The following MST1 variants were observed in gnomAD, a reference collection of about 807,000 sequenced individuals.
MST1 encodes the protein hepatocyte growth factor-like protein.
Under a neutral mutation model 100.1 loss-of-function variants are expected in MST1, and 76 were observed. The ratio of observed to expected loss-of-function variants is 0.76; its 90% CI spans 0.63 to 0.92. MST1 has a LOEUF of 0.92. MST1 is among the 40% of genes least tolerant of loss of function. The probability of loss-of-function intolerance (pLI) is 0.00; values close to 1 mark genes in which losing one functional copy is unlikely to be tolerated. For synonymous variants in MST1, 352 were observed against 385.4 expected (o/e 0.91, Z 1.01); for missense variants, 850 against 990.0 (o/e 0.86, Z 1.90).
intron 5 of MST1, 37 bp downstream of exon 5, chr3:49,687,112 T>G (rs1218893067): frequency 6.2e-7 from 1 of 1,612,720 alleles, no homozygotes; most frequent in Non-Finnish European, 8.5e-7. Context: ...CGTGGGCTTG[T>G]CCCTCCACTC....
At position 49,687,175 on chromosome 3, in the gene MST1, C is replaced by T; in HGVS notation, c.581G>A (p.Ser194Asn). 1 of 1,613,268 alleles carries T rather than the reference C, an allele frequency of 6.2e-7. No individual in the cohort carries two copies. Among genetic ancestry groups the T allele is most frequent in the Middle Eastern group, 1.7e-4 (1 of 6,056 alleles). The change falls in exon 5 of 18, where the codon AGC (serine) becomes AAC (asparagine). Residue 194 changes from serine (S) to asparagine (N), a missense_variant. By Grantham distance (46) the Ser-to-Asn change is conservative. Transcript: ENST00000449682. ...YTTDPAVRFQ[S>N]CGIKSCREAA... is the part of the protein sequence containing the mutation. ...CTCCCGGCAGGATTTGATGCCGCAG[C>T]TCTGGAAGCGCACAGCAGGGTCTGT...
rs1222445851 is a variant in MST1, at chr3:49,689,442, G to A, written c.-751C>T. On this transcript the variant is annotated 5_prime_UTR_variant, in exon 1 of 18. Coordinates refer to ENST00000449682, the MANE Select transcript of MST1 (RefSeq NM_020998.4). ...GCTGAGGCCTGGAACAACCCGGTGG[G>A]AAGCCATGGAGGGGGTCCCCTAGCG... 6.6e-6 allele frequency: 1 copy of A among 152,362 alleles called. No individual in the cohort carries two copies. The highest frequency in any genetic ancestry group is 2.4e-5 in the African/African-American group (1 of 41,454). The allele number at this position is 152,362 out of a possible 1,614,324, so 9.4% of individuals were successfully genotyped here.
Position 49,684,588 on chromosome 3 carries a change from C to G in MST1, c.1838G>C (p.Gly613Ala), listed in dbSNP as rs772597116. Residue 613 changes from glycine (G) to alanine (A), a missense_variant, in exon 16 of 18, where the codon GGG becomes GCG. Coordinates refer to ENST00000449682, the MANE Select transcript of MST1 (RefSeq NM_020998.4). ...CCAGCCTGCAATCTCACACTTGGTC[C>G]CTGGAGGCACCACATACCATTCAGG... ...LPPEWYVVPP[G>A]TKCEIAGWGE... is the part of the protein sequence containing the mutation. 6.2e-7 allele frequency: 1 copy of G among 1,613,772 alleles called. No individual in the cohort carries two copies.
In MST1 at chr3:49,686,740, C is replaced by T. The variant is rs761105618; in HGVS notation, c.791G>A (p.Trp264Ter). Residue 264 changes from tryptophan to a stop codon, truncating the protein, a stop_gained, in exon 7 of 18, where the codon TGG (tryptophan) becomes TAG (stop). Coordinates refer to ENST00000449682, the MANE Select transcript of MST1 (RefSeq NM_020998.4). LOFTEE classifies it high-confidence loss of function. Reference sequence around the variant, plus strand: ...GATCTGCGGATCCGTAGTGTAGCACCATGGCCGCTCGGAGCCGTCAGGATT... The same window carrying T: ...GATCTGCGGATCCGTAGTGTAGCACTATGGCCGCTCGGAGCCGTCAGGATT... ...CRNPDGSERP[W>*]CYTTDPQIER... 3 of 1,603,846 alleles carry T rather than the reference C, an allele frequency of 1.9e-6. No homozygotes were observed. The highest frequency in any genetic ancestry group is 2.6e-6 in the Non-Finnish European group (3 of 1,176,232).
At position 49,685,878 on chromosome 3, in the gene MST1, T is replaced by C. The variant is rs2053684205; in HGVS notation, c.1232A>G (p.Glu411Gly). The change falls in exon 10 of 18, where the codon GAG becomes GGG. Residue 411 changes from glutamate (E) to glycine (G), a missense_variant. Physicochemically the swap from Glu to Gly is moderately conservative, Grantham distance 98. This residue lies in a region of MST1 where 816 missense variants were observed against 924.6 expected (regional missense o/e 0.88). Coordinates refer to ENST00000449682, the MANE Select transcript of MST1 (RefSeq NM_020998.4). ...KGVQCQRWSA[E>G]TPHKPQFTFT... is the part of the protein sequence containing the mutation. ...GACTCACTGCGGCTTGTGCGGCGTC[T>C]CAGCGGACCAGCGCTGGCACTGGAC... 1.9e-6 allele frequency: 3 copies of C among 1,608,544 alleles called. No individual in the cohort carries two copies. In the East Asian group the frequency reaches 6.7e-5, roughly 36 times the overall value.
chr3:49,684,023 T>G lies in MST1; in HGVS notation c.*5A>C. 6.2e-7 allele frequency: 1 copy of G among 1,612,094 alleles called. No individual in the cohort carries two copies. The highest frequency in any genetic ancestry group is 8.5e-7 in the Non-Finnish European group (1 of 1,179,168). ...TCCCCAAGGCATATGGCATCAAGGC[T>G]GGGCCTAACCCAGTCTCATGACCTT... is the stretch of plus-strand genomic sequence containing the variant. On this transcript the variant is annotated 3_prime_UTR_variant, in exon 18 of 18. Transcript: ENST00000449682.
chr3:49,686,666 C>T lies in MST1; in HGVS notation c.847+18G>A, dbSNP rs575002026. ...AAGGTTCCCAGGTACCCTCCCAGGC[C>T]TGGTCCCCGCCGCCTACCGCAGCGG... On this transcript the variant is annotated intron_variant, in intron 7 of 17. Coordinates refer to ENST00000449682, the MANE Select transcript of MST1 (RefSeq NM_020998.4). 1.9e-6 allele frequency: 3 copies of T among 1,550,370 alleles called. No homozygotes were observed. Among genetic ancestry groups the T allele is most frequent in the Non-Finnish European group, 2.6e-6 (3 of 1,146,714 alleles).
chr3:49,686,912 C>A, intron 6 of MST1, 35 bp downstream of exon 6: 1 of 1,611,688 alleles, frequency 6.2e-7, no homozygotes, highest in Non-Finnish European at 8.5e-7. Flanking sequence ...CTTCCCTAGC[C>A]CGGCCCCCAG....
At position 49,686,194 on chromosome 3, in the gene MST1, T is replaced by G. The variant is rs767865527; in HGVS notation, c.1017-2A>C. 5.6e-6 allele frequency: 9 copies of G among 1,610,336 alleles called. No individual in the cohort carries two copies. The Admixed American group carries it at 1.5e-4, about 27-fold the overall frequency. On this transcript the variant is annotated splice_acceptor_variant, in intron 8 of 17. Coordinates refer to ENST00000449682, the MANE Select transcript of MST1 (RefSeq NM_020998.4). LOFTEE classifies it high-confidence loss of function. ...CGGCAGAAGTTCTCCCGAAGGTCTC[T>G]AAGCAGGCGCTCCACTCAGCCCTAG...
In MST1 at chr3:49,684,393, C is replaced by T. The variant is rs1277030290; in HGVS notation, c.1937G>A (p.Cys646Tyr). 1.9e-6 allele frequency: 3 copies of T among 1,613,286 alleles called. No homozygotes were observed. The East Asian group carries it at 6.7e-5, about 36-fold the overall frequency. The change falls in exon 17 of 18, where the codon TGT becomes TAT. Residue 646 changes from cysteine (C) to tyrosine (Y), a missense_variant. By Grantham distance (194) the Cys-to-Tyr change is radical. Around this residue, in one of 2 missense-constraint regions of MST1, gnomAD observed 816 missense variants for 924.6 expected, o/e 0.88. Coordinates refer to ENST00000449682, the MANE Select transcript of MST1 (RefSeq NM_020998.4). The stretch of plus-strand genomic sequence containing the variant: ...CACACGTCCTCGGTGCTTGATGTTA[C>T]ACTCCTGGTTGGAGATGACATTCAG... ...ALLNVISNQE[C>Y]NIKHRGRVRE...
At chr3:49,686,860 C>T in intron 6 of MST1, 58 bp from the exon 7 acceptor site, 1 of 1,612,232 alleles carries the variant, frequency 6.2e-7, no homozygotes, top group Non-Finnish European at 8.5e-7. Context: ...TCTGGCCCCG[C>T]CCAATTGCCC....
rs771646511 is a variant in MST1, at chr3:49,687,818, C to G, written c.174G>C (p.Gly58=). 1.9e-6 allele frequency: 3 copies of G among 1,613,546 alleles called. No individual in the cohort carries two copies. The highest frequency in any genetic ancestry group is 2.5e-6 in the Non-Finnish European group (3 of 1,179,884). The change falls in exon 2 of 18, where the codon GGG becomes GGC. Residue 58 remains glycine (G), a synonymous_variant. Coordinates refer to ENST00000449682, the MANE Select transcript of MST1 (RefSeq NM_020998.4). ...CATCTGCCACATCCTCCTGCCAAGGCCCGGGCACCACCGCATGTAGCAGGT... is the reference window on the plus strand; with the variant it reads ...CATCTGCCACATCCTCCTGCCAAGGGCCGGGCACCACCGCATGTAGCAGGT... ...LQHLLHAVVP[G]PWQEDVADAE...
intron 15 of MST1, 27 bp from the exon 16 acceptor site, chr3:49,684,683 G>A (rs1204689585): frequency 1.2e-6 from 2 of 1,613,204 alleles, no homozygotes; most frequent in Admixed American, 1.7e-5. Flanking sequence ...GGCACTCAGG[G>A]TCTGAGGCCA....
intron 17 of MST1, 27 bp from the exon 18 acceptor site, chr3:49,684,216 C>T: frequency 1.2e-6 from 2 of 1,609,446 alleles, no homozygotes; most frequent in Non-Finnish European, 8.5e-7. Flanking sequence ...CTGATGAGGG[C>T]CCCGGGCCAC....
intron 17 of MST1, 61 bp from the exon 18 acceptor site, chr3:49,684,250 A>T: frequency 6.2e-7 from 1 of 1,609,588 alleles, no homozygotes; most frequent in South Asian, 1.1e-5. Context: ...CTGCTTCATG[A>T]TAAAATAGTT....
chr3:49,686,508 C>A (rs746988215), intron 7 of MST1, 27 bp from the exon 8 acceptor site: 12 of 1,609,354 alleles, frequency 7.5e-6, no homozygotes, highest in Non-Finnish European at 1.0e-5. Context: ...TAGGTCGGGC[C>A]CCGAGCGAGA....
intron 1 of MST1, chr3:49,688,126 A>T: frequency 1.5e-6 from 1 of 645,698 alleles, no homozygotes; most frequent in Non-Finnish European, 2.6e-6. Flanking sequence ...GCCTCTGTTT[A>T]GTGGCCCAGG....
At chr3:49,686,647 C>T (rs1251676859) in intron 7 of MST1, 37 bp downstream of exon 7, 1 of 1,549,082 alleles carries the variant, frequency 6.5e-7, no homozygotes, top group Admixed American at 1.9e-5. Context: ...CCCCAAGGTT[C>T]CCAGGTACCC....
rs763351697 is a variant in MST1 at position 49,687,412 on chromosome 3, C to A, written c.422G>T (p.Gly141Val). ...GYRGTMATTVGGLPCQAWSHK... is the reference protein window; with the variant it reads ...GYRGTMATTVVGLPCQAWSHK... ...GCTCCAAGCCTGGCAGGGCAGGCCA[C>A]CCACGGTCGTGGCCATGGTGCCCCG... is the stretch of plus-strand genomic sequence containing the variant. Residue 141 changes from glycine to valine, a missense_variant, in exon 4 of 18, where the codon GGT becomes GTT. Coordinates refer to ENST00000449682, the MANE Select transcript of MST1 (RefSeq NM_020998.4). The A allele has an allele frequency of 1.9e-6, 3 of 1,613,396 alleles. No individual in the cohort carries two copies. The highest frequency in any genetic ancestry group is 2.5e-6 in the Non-Finnish European group (3 of 1,179,862).
Sources: gnomAD v4.1 joint callset for allele counts on GRCh38, gnomAD v4.1.1 for gene constraint, gnomAD v4.1.1 regional missense constraint, MANE v1.5 for transcripts, NCBI Gene and HGNC (gene_info 2026-07-23, HGNC 2026-07-21) for gene names.